Variants in NSD1 observed in about 807,000 individuals in gnomAD.
NSD1 encodes histone-lysine N-methyltransferase, H3 lysine-36 specific.
NSD1 carries 26 observed loss-of-function variants against 242.7 expected under a neutral mutation model. The observed-to-expected ratio is 0.11, with a 90% CI of 0.08 to 0.15. The LOEUF (loss-of-function observed/expected upper bound fraction) is 0.15, where lower values mean the gene tolerates loss of function less well. Among genes scored for constraint, NSD1 ranks in the 10% least tolerant of loss-of-function variants. The probability of loss-of-function intolerance (pLI) is 1.00; values close to 1 mark genes in which losing one functional copy is unlikely to be tolerated. For missense variants in NSD1, 2,495 were observed against 3,272.8 expected, an observed-to-expected ratio of 0.76 and a Z score of 5.80; for synonymous variants, 1,106 against 1,178.1, an observed-to-expected ratio of 0.94 and a Z score of 1.25.
intron 11 of NSD1, 72 bp from the exon 12 acceptor site, chr5:177,251,658 C>G (rs1404984688): frequency 4.6e-6 from 7 of 1,516,428 alleles, no homozygotes; most frequent in Non-Finnish European, 6.4e-6. Context: ...TTTACTTTAA[C>G]CCACTGACAC....
chr5:177,248,171 T>G lies in NSD1; in HGVS notation c.4498-10T>G. 6.2e-7 allele frequency: 1 copy of G among 1,613,838 alleles called. No individual in the cohort carries two copies. Among genetic ancestry groups the G allele is most frequent in the Non-Finnish European group, 8.5e-7 (1 of 1,179,888 alleles). ...AATACAGATGTGGGACATTATTTTTTCTTTGCAAGGGAGAACTAATGCCTC... is the reference window on the plus strand; with the variant it reads ...AATACAGATGTGGGACATTATTTTTGCTTTGCAAGGGAGAACTAATGCCTC... On this transcript the variant is annotated splice_polypyrimidine_tract_variant and intron_variant, in intron 10 of 22. Transcript: ENST00000439151.
rs771507867 is a variant in NSD1 at position 177,204,203 on chromosome 5, A to G, written c.1147A>G (p.Ile383Val). 1.4e-5 allele frequency: 22 copies of G among 1,614,176 alleles called. No individual in the cohort carries two copies. The highest frequency in any genetic ancestry group is 2.2e-5 in the South Asian group (2 of 91,082). The change falls in exon 4 of 23, where the codon ATC becomes GTC. Residue 383 changes from isoleucine to valine, a missense_variant. Physicochemically the swap from Ile to Val is conservative, Grantham distance 29. This residue lies in a region of NSD1 where 65 missense variants were observed against 136.2 expected (regional missense o/e 0.48). Coordinates refer to ENST00000439151, the MANE Select transcript of NSD1 (RefSeq NM_022455.5). ...GAGAGCCTGGGTGGCTGGAAAAGCA[A>G]TCGTCATGTTTGAAGGCAGACATCA... is the stretch of plus-strand genomic sequence containing the variant. ...SERAWVAGKA[I>V]VMFEGRHQFE...
rs538052973 is a variant in NSD1, at chr5:177,151,282, A to G, written c.927+15252A>G. Among the ~76,000 whole-genome samples, 36 of 152,318 alleles carry G rather than the reference A, an allele frequency of 2.4e-4. 1 individual carries two copies. The South Asian group carries it at 7.0e-3, about 30-fold the overall frequency. Reference sequence around the variant, plus strand: ...TCCCAGCTACTCGGGAGGCTGAGGCAGGAGAATCCAGAATTGAATTGAACC... The same window carrying G: ...TCCCAGCTACTCGGGAGGCTGAGGCGGGAGAATCCAGAATTGAATTGAACC... On this transcript the variant is annotated intron_variant, in intron 2 of 22. Coordinates refer to ENST00000439151, the MANE Select transcript of NSD1 (RefSeq NM_022455.5).
intron 14 of NSD1, among the ~76,000 whole-genome samples, chr5:177,264,034 T>TTTTATTTTTTTA (rs1757212851): frequency 2.2e-5 from 2 of 92,684 alleles, no homozygotes; most frequent in African/African-American, 9.5e-5. Flanking sequence ...ACCAATTTTT[T>TTTTATTTTTTTA]TTTTTTTTTT....
In NSD1 at chr5:177,210,825, A is replaced by C. The variant is rs1174639709; in HGVS notation, c.2426A>C (p.Glu809Ala). 6.2e-7 allele frequency: 1 copy of C among 1,614,224 alleles called. No individual in the cohort carries two copies. Among genetic ancestry groups the C allele is most frequent in the East Asian group, 2.2e-5 (1 of 44,884 alleles). The part of the protein sequence containing the change: ...VMAEPPVINE[E>A]CSLKCCSSDT... ...GCAGAACCCCCAGTTATAAATGAGG[A>C]GTGCAGTTTGAAATGCTGCTCTTCT... Residue 809 changes from glutamate to alanine, a missense_variant, in exon 5 of 23, where the codon GAG becomes GCG. This residue lies in a region of NSD1 where 515 missense variants were observed against 467.0 expected (regional missense o/e 1.10). Coordinates refer to ENST00000439151, the MANE Select transcript of NSD1 (RefSeq NM_022455.5).
chr5:177,146,394 C>T (rs1215489347), intron 2 of NSD1, among the ~76,000 whole-genome samples: 35 of 151,606 alleles, frequency 2.3e-4, no homozygotes, highest in Non-Finnish European at 7.4e-5. Flanking sequence ...TTAGTAGAGA[C>T]GGTGTTTCAC....
intron 5 of NSD1, among the ~76,000 whole-genome samples, chr5:177,213,368 T>A (rs1345542997): frequency 6.6e-6 from 1 of 152,258 alleles, no homozygotes; most frequent in Non-Finnish European, 1.5e-5. Flanking sequence ...GTTTGTAGTA[T>A]AGTCACAGAG....
intron 2 of NSD1, among the ~76,000 whole-genome samples, chr5:177,146,403 A>G (rs1757249608): frequency 6.6e-6 from 1 of 151,500 alleles, no homozygotes. Context: ...ACGGTGTTTC[A>G]CCGTGTTATC....
chr5:177,185,140 G>A (rs1451359243), intron 2 of NSD1, among the ~76,000 whole-genome samples: 1 of 152,046 alleles, frequency 6.6e-6, no homozygotes, highest in Non-Finnish European at 1.5e-5. Flanking sequence ...TTTACCTCAA[G>A]TTGTGTATCA....
chr5:177,186,059 A>G (rs1761186005), intron 2 of NSD1, among the ~76,000 whole-genome samples: 3 of 103,088 alleles, frequency 2.9e-5, no homozygotes. Flanking sequence ...ATAATATAAC[A>G]TATAATATAT....
chr5:177,254,196 C>T (rs1331428796), intron 12 of NSD1, among the ~76,000 whole-genome samples: 1 of 152,130 alleles, frequency 6.6e-6, no homozygotes, highest in Non-Finnish European at 1.5e-5. Flanking sequence ...GTCCACTCTC[C>T]TTGGCCTCCC....
intron 5 of NSD1, among the ~76,000 whole-genome samples, chr5:177,235,414 C>G (rs1765366249): frequency 6.6e-6 from 1 of 152,070 alleles, no homozygotes; most frequent in Non-Finnish European, 1.5e-5. Flanking sequence ...CTTCTGATCC[C>G]AAGCGTTTCA....
At chr5:177,215,180 ATT>A (rs797009444) in intron 5 of NSD1, among the ~76,000 whole-genome samples, 2 of 140,794 alleles carry the variant, frequency 1.4e-5, no homozygotes, top group Non-Finnish European at 1.6e-5. Flanking sequence ...CTGGTTTTCA[ATT>A]TTTTTTTTTT....
Position 177,294,324 on chromosome 5 carries a change from C to T in NSD1, c.6956C>T (p.Pro2319Leu). The T allele has an allele frequency of 6.2e-7, 1 of 1,614,188 alleles. No homozygotes were observed. Among genetic ancestry groups the T allele is most frequent in the Non-Finnish European group, 8.5e-7 (1 of 1,180,050 alleles). The change falls in exon 23 of 23, where the codon CCA becomes CTA. Residue 2319 changes from proline (P) to leucine (L), a missense_variant. Pro to Leu is a moderately conservative substitution (Grantham distance 98). Coordinates refer to ENST00000439151, the MANE Select transcript of NSD1 (RefSeq NM_022455.5). ...LVSSQRPLDR[P>L]PAVAGPRPQL... is the part of the protein sequence containing the mutation. ...TCCAGCCAGAGGCCACTGGACAGGC[C>T]ACCAGCAGTGGCAGGACCAAGACCC...
intron 11 of NSD1, among the ~76,000 whole-genome samples, chr5:177,250,258 C>G (rs1755831257): frequency 6.6e-6 from 1 of 152,180 alleles, no homozygotes; most frequent in Non-Finnish European, 1.5e-5. Context: ...AACAGTTATG[C>G]CCATTATTTA....
intron 21 of NSD1, 48 bp downstream of exon 21, chr5:177,288,973 C>T: frequency 7.7e-7 from 1 of 1,293,522 alleles, no homozygotes; most frequent in Non-Finnish European, 1.1e-6. Flanking sequence ...TGCGGTCCTC[C>T]CTCCCTAACA....
At chr5:177,175,056 A>G (rs575746984) in intron 2 of NSD1, among the ~76,000 whole-genome samples, 1 of 151,848 alleles carries the variant, frequency 6.6e-6, no homozygotes, top group Admixed American at 6.6e-5. Flanking sequence ...TATTTTTAGT[A>G]GAGACGGGGT....
chr5:177,135,627 C>G lies in NSD1; in HGVS notation c.524C>G (p.Thr175Arg). Reference sequence around the variant, plus strand: ...GAAATGGACCCAGAACAGCCAGTCACAGAGGATGAGAGTATAGAGGAGATC... The same window carrying G: ...GAAATGGACCCAGAACAGCCAGTCAGAGAGGATGAGAGTATAGAGGAGATC... ...DSEMDPEQPVTEDESIEEIFE... is the reference protein window; with the variant it reads ...DSEMDPEQPVREDESIEEIFE... The change falls in exon 2 of 23, where the codon ACA becomes AGA. Residue 175 changes from threonine to arginine, a missense_variant. This residue lies in a region of NSD1 where 376 missense variants were observed against 367.4 expected (regional missense o/e 1.02). Coordinates refer to ENST00000439151, the MANE Select transcript of NSD1 (RefSeq NM_022455.5). The G allele has an allele frequency of 1.2e-6, 2 of 1,614,182 alleles. No homozygotes were observed. Among genetic ancestry groups the G allele is most frequent in the Non-Finnish European group, 1.7e-6 (2 of 1,180,038 alleles).
intron 3 of NSD1, 80 bp downstream of exon 3, chr5:177,192,099 AT>A (rs1175818653): frequency 2.4e-6 from 3 of 1,251,028 alleles, no homozygotes; most frequent in Non-Finnish European, 2.2e-6. Flanking sequence ...ATAATAATAT[AT>A]TTTTTTCCTT....
Sources: gnomAD v4.1 joint callset for allele counts (sites outside exome capture counted in the v4.1 genomes callset) on GRCh38, gnomAD v4.1.1 for gene constraint, gnomAD v4.1.1 regional missense constraint, MANE v1.5 for transcripts, NCBI Gene and HGNC (gene_info 2026-07-23, HGNC 2026-07-21) for gene names.